The following VSTM4 variants were observed in gnomAD, a reference collection of about 807,000 sequenced individuals.
VSTM4 encodes the protein V-set and transmembrane domain-containing protein 4.
Under a neutral mutation model 36.4 loss-of-function variants are expected in VSTM4, and 20 were observed. That is an observed-to-expected ratio of 0.55 (90% CI 0.39 to 0.80). The LOEUF (loss-of-function observed/expected upper bound fraction) is 0.80, where lower values mean the gene tolerates loss of function less well. VSTM4 is among the 30% of genes least tolerant of loss of function. The pLI, the probability that VSTM4 is intolerant of heterozygous loss-of-function variation, is 0.00. For missense variants in VSTM4, 392 were observed against 404.5 expected (o/e 0.97, Z 0.26); for synonymous variants, 182 against 173.9 (o/e 1.05, Z -0.37).
intron 5 of VSTM4, among the ~76,000 whole-genome samples, chr10:49,054,946 C>A (rs1275004696): frequency 6.6e-6 from 1 of 152,124 alleles, no homozygotes; most frequent in East Asian, 1.9e-4. Context: ...CCAGGGCGAT[C>A]TTTGCACCCG....
chr10:49,027,574 C>T (rs12765128), intron 7 of VSTM4, among the ~76,000 whole-genome samples: 17,079 of 152,246 alleles, frequency 0.11, 1,251 homozygotes, highest in South Asian at 0.24. Context: ...AGTTCCATCA[C>T]CCCTGCATGC....
At chr10:49,083,509 G>A (rs1267606213) in intron 3 of VSTM4, among the ~76,000 whole-genome samples, 2 of 152,196 alleles carry the variant, frequency 1.3e-5, no homozygotes, top group South Asian at 2.1e-4. Context: ...GCACGGAGAC[G>A]CTGCTGCTGC....
At chr10:49,035,794 C>T (rs985678068) in intron 7 of VSTM4, among the ~76,000 whole-genome samples, 1 of 151,794 alleles carries the variant, frequency 6.6e-6, no homozygotes, top group Non-Finnish European at 1.5e-5. Flanking sequence ...GCTACGGTTG[C>T]CATTGCACTC....
chr10:49,048,066 C>G (rs1437649704), intron 6 of VSTM4, among the ~76,000 whole-genome samples: 2 of 152,194 alleles, frequency 1.3e-5, no homozygotes, highest in African/African-American at 2.4e-5. Flanking sequence ...AATTTCACAC[C>G]TGGTTGACAT....
intron 5 of VSTM4, among the ~76,000 whole-genome samples, chr10:49,049,400 G>A (rs1042606055): frequency 1.4e-4 from 22 of 152,126 alleles, no homozygotes; most frequent in Admixed American, 3.9e-4. Flanking sequence ...ACACTGCTCC[G>A]ATATGAAACT....
chr10:49,047,694 T>C (rs1230365828), intron 6 of VSTM4, among the ~76,000 whole-genome samples: 3 of 152,164 alleles, frequency 2.0e-5, no homozygotes, highest in Non-Finnish European at 2.9e-5. Context: ...TTCATCCCCC[T>C]GCAGTACAAC....
chr10:49,066,666 A>T (rs1843979108), intron 4 of VSTM4, among the ~76,000 whole-genome samples: 2 of 152,204 alleles, frequency 1.3e-5, no homozygotes, highest in Non-Finnish European at 2.9e-5. Flanking sequence ...ATAAAAATGC[A>T]TTCCCAATAA....
At chr10:49,026,645 C>T (rs138713404) in intron 7 of VSTM4, among the ~76,000 whole-genome samples, 10 of 152,234 alleles carry the variant, frequency 6.6e-5, no homozygotes, top group Middle Eastern at 3.4e-3. Flanking sequence ...TGCTGCCCTC[C>T]GTGTGGAAAA....
At chr10:49,097,343 C>A (rs1032740742) in intron 2 of VSTM4, among the ~76,000 whole-genome samples, 7 of 152,146 alleles carry the variant, frequency 4.6e-5, no homozygotes, top group African/African-American at 1.7e-4. Flanking sequence ...AGGCACCAAG[C>A]CAGATCCGTC....
At chr10:49,056,478 G>A (rs1843781469) in intron 5 of VSTM4, among the ~76,000 whole-genome samples, 1 of 152,238 alleles carries the variant, frequency 6.6e-6, no homozygotes, top group South Asian at 2.1e-4. Context: ...CATGCTGGAG[G>A]CTGCTCCACT....
At chr10:49,094,214 T>C (rs1483384119) in intron 2 of VSTM4, among the ~76,000 whole-genome samples, 1 of 152,014 alleles carries the variant, frequency 6.6e-6, no homozygotes, top group African/African-American at 2.4e-5. Context: ...TCAGAAGCAG[T>C]GGGGTTGCGC....
At chr10:49,033,651 C>T (rs1843380414) in intron 7 of VSTM4, among the ~76,000 whole-genome samples, 2 of 152,192 alleles carry the variant, frequency 1.3e-5, no homozygotes, top group African/African-American at 4.8e-5. Flanking sequence ...GCTCAGAGTG[C>T]AGTGGGGAAG....
At chr10:49,113,120 C>A (rs1227510910) in intron 1 of VSTM4, among the ~76,000 whole-genome samples, 1 of 152,210 alleles carries the variant, frequency 6.6e-6, no homozygotes, top group Non-Finnish European at 1.5e-5. Context: ...ACTGCACCTG[C>A]TCACTTCAGG....
At chr10:49,085,076 G>A (rs1042956872) in intron 3 of VSTM4, among the ~76,000 whole-genome samples, 1 of 152,254 alleles carries the variant, frequency 6.6e-6, no homozygotes. Flanking sequence ...AAACCTGAAT[G>A]TGCATCAGAA....
rs767290860 is a variant in VSTM4 at position 49,107,830 on chromosome 10, A to G, written c.221T>C (p.Leu74Ser). ...FAHSFDSQEALMVKMTKLRVV... is the reference protein window; with the variant it reads ...FAHSFDSQEASMVKMTKLRVV... ...CCGGAGCTTGGTCATCTTCACCATC[A>G]AGGCCTCCTGGGAGTCGAAGGAGTG... Residue 74 changes from leucine (L) to serine (S), a missense_variant, in exon 2 of 8, where the codon TTG becomes TCG. Coordinates refer to ENST00000332853, the MANE Select transcript of VSTM4 (RefSeq NM_001031746.5). The G allele has an allele frequency of 6.2e-7, 1 of 1,614,218 alleles. No individual in the cohort carries two copies. Among genetic ancestry groups the G allele is most frequent in the Non-Finnish European group, 8.5e-7 (1 of 1,180,038 alleles).
intron 2 of VSTM4, among the ~76,000 whole-genome samples, chr10:49,105,048 GGAGACAGAGAGAGAGGGA>G (rs1240760790): frequency 5.8e-5 from 7 of 120,904 alleles, no homozygotes; most frequent in Non-Finnish European, 1.0e-4. Context: ...AGAGACAGAG[GGAGACAGAGAGAGAGGGA>G]GAGACAGAGA....
chr10:49,075,087 G>C (rs1167124742), intron 4 of VSTM4, among the ~76,000 whole-genome samples: 1 of 152,238 alleles, frequency 6.6e-6, no homozygotes, highest in African/African-American at 2.4e-5. Context: ...TTCAGGCACT[G>C]TGCACAGGTG....
At chr10:49,069,145 T>C (rs1463726933) in intron 4 of VSTM4, among the ~76,000 whole-genome samples, 1 of 152,074 alleles carries the variant, frequency 6.6e-6, no homozygotes, top group African/African-American at 2.4e-5. Flanking sequence ...CCTGTCCCTA[T>C]CACCACTGCC....
At chr10:49,091,860 G>C (rs1844480970) in intron 2 of VSTM4, among the ~76,000 whole-genome samples, 1 of 152,190 alleles carries the variant, frequency 6.6e-6, no homozygotes, top group Non-Finnish European at 1.5e-5. Flanking sequence ...AATTAACAAA[G>C]CTTAAATTGC....
Sources: gnomAD v4.1 joint callset for allele counts (sites outside exome capture counted in the v4.1 genomes callset) on GRCh38, gnomAD v4.1.1 for gene constraint, MANE v1.5 for transcripts, NCBI Gene and HGNC (gene_info 2026-07-23, HGNC 2026-07-21) for gene names.